Variants in CDK12 observed in about 807,000 individuals in gnomAD.
The protein encoded by CDK12 is cyclin dependent kinase 12, also known as cyclin-dependent kinase 12.
Under a neutral mutation model 133.8 loss-of-function variants are expected in CDK12, and 17 were observed. That is an observed-to-expected ratio of 0.13 (90% CI 0.09 to 0.19). The LOEUF (loss-of-function observed/expected upper bound fraction) is 0.19. Ranked by LOEUF, CDK12 falls within the 10% of genes least tolerant of loss-of-function variation. The pLI, the probability that CDK12 is intolerant of heterozygous loss-of-function variation, is 1.00. For missense variants in CDK12, 1,508 were observed against 1,818.7 expected (o/e 0.83, Z 3.11); for synonymous variants, 694 against 683.6 (o/e 1.02, Z -0.24).
At chr17:39,477,383 A>C (rs1382547077) in intron 2 of CDK12, among the ~76,000 whole-genome samples, 11 of 140,528 alleles carry the variant, frequency 7.8e-5, no homozygotes, top group East Asian at 4.4e-4. Flanking sequence ...CTACAGGCGC[A>C]TGCCACCATG....
intron 5 of CDK12, among the ~76,000 whole-genome samples, chr17:39,497,561 C>T (rs1318930846): frequency 6.6e-6 from 1 of 151,424 alleles, no homozygotes; most frequent in African/African-American, 2.4e-5. Flanking sequence ...AAAAAATTGT[C>T]ATCTGGATAG....
intron 13 of CDK12, among the ~76,000 whole-genome samples, chr17:39,528,982 T>A (rs2054657960): frequency 6.6e-6 from 1 of 152,202 alleles, no homozygotes; most frequent in Non-Finnish European, 1.5e-5. Flanking sequence ...TTTTTCAGCA[T>A]GTCTACTCTC....
Position 39,471,760 on chromosome 17 carries a change from A to T in CDK12, c.1928A>T (p.Asp643Val), listed in dbSNP as rs1597933298. 1 of 1,610,228 alleles carries T rather than the reference A, an allele frequency of 6.2e-7. No homozygotes were observed. Among genetic ancestry groups the T allele is most frequent in the African/African-American group, 1.3e-5 (1 of 74,942 alleles). Residue 643 changes from aspartate (D) to valine (V), a missense_variant, in exon 2 of 14, where the codon GAT becomes GTT. This residue lies in a region of CDK12 where 347 missense variants were observed against 330.8 expected (regional missense o/e 1.05). Coordinates refer to ENST00000447079, the MANE Select transcript of CDK12 (RefSeq NM_016507.4). ...TTATTACCTGGAGATGATGACATGG[A>T]TAGGTAAGTCCTATAGTGAACTGGA... ...PPLLPGDDDM[D>V]SPKETLPSKP...
intron 2 of CDK12, among the ~76,000 whole-genome samples, chr17:39,481,674 CT>C (rs2050700565): frequency 8.5e-5 from 1 of 11,726 alleles, no homozygotes; most frequent in African/African-American, 1.5e-4. Context: ...CTCTCTCTCT[CT>C]CTCTCTCTCT....
At chr17:39,561,541 T>G (rs1465672324) in intron 3 of CDK12, among the ~76,000 whole-genome samples, 1 of 152,206 alleles carries the variant, frequency 6.6e-6, no homozygotes, top group Non-Finnish European at 1.5e-5. Context: ...ACTCAGCCTC[T>G]GGGGCACTGG....
At chr17:39,499,793 C>T (rs1390935090) in intron 5 of CDK12, among the ~76,000 whole-genome samples, 1 of 152,100 alleles carries the variant, frequency 6.6e-6, no homozygotes, top group East Asian at 1.9e-4. Context: ...GAATTACAGG[C>T]ATGAGCCACC....
chr17:39,509,774 T>C lies in CDK12; in HGVS notation c.2666+13T>C, dbSNP rs771010162. On this transcript the variant is annotated intron_variant, in intron 7 of 13. Transcript: ENST00000447079. ...ACTCTGAAGAGAGGTAAGGCATTAA[T>C]TAAAATTACATGTGGGAAATAAGGT... 9.4e-6 allele frequency: 15 copies of C among 1,587,636 alleles called. No homozygotes were observed. In the South Asian group the frequency reaches 1.5e-4, roughly 16 times the overall value.
intron 3 of CDK12, among the ~76,000 whole-genome samples, chr17:39,492,364 G>C (rs1322143459): frequency 1.3e-5 from 2 of 149,330 alleles, no homozygotes; most frequent in Non-Finnish European, 3.0e-5. Context: ...CCAAAGTGCT[G>C]GGATTACAGG....
chr17:39,461,823 TC>T lies in CDK12; in HGVS notation c.-245del, dbSNP rs1292251182. 1 of 548,770 alleles carries T rather than the reference TC, an allele frequency of 1.8e-6. No individual in the cohort carries two copies. Among genetic ancestry groups the T allele is most frequent in the Non-Finnish European group, 3.3e-6 (1 of 305,952 alleles). The allele number at this position is 548,770 out of a possible 1,614,324, so 34.0% of individuals were successfully genotyped here. On this transcript the variant is annotated 5_prime_UTR_variant, in exon 1 of 14. Transcript: ENST00000447079. Reference sequence around the variant, plus strand: ...AGAAGAGGAAACAGACTTGAGCAGCTCCCCGTTGTCTCGCAACTCCACTGCC... The same window carrying T: ...AGAAGAGGAAACAGACTTGAGCAGCTCCCGTTGTCTCGCAACTCCACTGCC...
chr17:39,509,345 A>G (rs1307278906), intron 6 of CDK12, among the ~76,000 whole-genome samples: 2 of 152,196 alleles, frequency 1.3e-5, no homozygotes, highest in Admixed American at 1.3e-4. Flanking sequence ...TTTCCCAACA[A>G]TAAGTATTTA....
intron 10 of CDK12, among the ~76,000 whole-genome samples, chr17:39,519,083 A>G (rs1210028588): frequency 6.6e-6 from 1 of 151,304 alleles, no homozygotes; most frequent in Non-Finnish European, 1.5e-5. Flanking sequence ...TTGTATTTTT[A>G]GTAGAAACGG....
chr17:39,543,115 C>T (rs1298828696), upstream of CDK12, among the ~76,000 whole-genome samples: 1 of 152,082 alleles, frequency 6.6e-6, no homozygotes, highest in Non-Finnish European at 1.5e-5. Context: ...GGAAGGGGGT[C>T]CCTGAATGAT....
intron 5 of CDK12, among the ~76,000 whole-genome samples, chr17:39,500,745 G>A (rs1322683226): frequency 7.0e-6 from 1 of 142,722 alleles, no homozygotes; most frequent in Non-Finnish European, 1.5e-5. Flanking sequence ...TTTTTTTTTT[G>A]AGAAGGAGTC....
chr17:39,473,519 G>A (rs1333171729), intron 2 of CDK12, among the ~76,000 whole-genome samples: 1 of 152,106 alleles, frequency 6.6e-6, no homozygotes, highest in Non-Finnish European at 1.5e-5. Flanking sequence ...AGGTAGATAA[G>A]ATCACTTGAA....
intron 2 of CDK12, among the ~76,000 whole-genome samples, chr17:39,486,442 T>C (rs927423946): frequency 4.6e-5 from 7 of 151,258 alleles, no homozygotes; most frequent in Non-Finnish European, 7.4e-5. Flanking sequence ...ACTTTGTTTA[T>C]TTTTTTTAGA....
At chr17:39,558,178 TAGG>T (rs1298741707) in intron 3 of CDK12, among the ~76,000 whole-genome samples, 2 of 151,884 alleles carry the variant, frequency 1.3e-5, no homozygotes, top group African/African-American at 4.8e-5. Flanking sequence ...CGATGTGGAG[TAGG>T]GGTGGCCATC....
At chr17:39,496,002 C>T (rs2052080479) in intron 5 of CDK12, among the ~76,000 whole-genome samples, 2 of 152,000 alleles carry the variant, frequency 1.3e-5, no homozygotes, top group South Asian at 4.2e-4. Flanking sequence ...ACCTCCACCT[C>T]CCAGGTTCAA....
At chr17:39,477,882 A>G (rs1013531406) in intron 2 of CDK12, among the ~76,000 whole-genome samples, 4 of 150,842 alleles carry the variant, frequency 2.7e-5, no homozygotes, top group African/African-American at 9.8e-5. Context: ...CTATTTTTGT[A>G]TTTTTAGTAG....
At chr17:39,513,558 G>A (rs755271491) in intron 8 of CDK12, among the ~76,000 whole-genome samples, 3 of 152,166 alleles carry the variant, frequency 2.0e-5, no homozygotes, top group African/African-American at 4.8e-5. Flanking sequence ...TAAGATGCAC[G>A]AGGAAAGTTC....
Sources: gnomAD v4.1 joint callset for allele counts (sites outside exome capture counted in the v4.1 genomes callset) on GRCh38, gnomAD v4.1.1 for gene constraint, gnomAD v4.1.1 regional missense constraint, MANE v1.5 for transcripts, NCBI Gene and HGNC (gene_info 2026-07-23, HGNC 2026-07-21) for gene names.